The following PCDHGA12 variants were observed in gnomAD, a reference collection of about 807,000 sequenced individuals.
PCDHGA12 encodes protocadherin gamma subfamily A, 12.
Under a neutral mutation model 61.1 loss-of-function variants are expected in PCDHGA12, and 43 were observed. That is an observed-to-expected ratio of 0.70 (90% CI 0.55 to 0.91). The LOEUF (loss-of-function observed/expected upper bound fraction) is 0.91, where lower values mean the gene tolerates loss of function less well. Among genes scored for constraint, PCDHGA12 ranks in the 40% least tolerant of loss-of-function variants. The pLI is 0.00. For synonymous variants in PCDHGA12, 520 were observed against 542.9 expected (o/e 0.96, Z 0.59); for missense variants, 1,236 against 1,227.7 (o/e 1.01, Z -0.10).
At chr5:141,497,827 C>T (rs1390986916) in intron 2 of PCDHGA12, among the ~76,000 whole-genome samples, 3 of 152,188 alleles carry the variant, frequency 2.0e-5, no homozygotes, top group East Asian at 3.9e-4. Flanking sequence ...GGTGTGATCG[C>T]CCCCGGCCAC....
chr5:141,484,988 G>A (rs1187402042), intron 1 of PCDHGA12: 2 of 604,830 alleles, frequency 3.3e-6, no homozygotes, highest in Admixed American at 3.0e-5. Context: ...CAATCGGGTG[G>A]TGAAAGGCAG....
intron 1 of PCDHGA12, among the ~76,000 whole-genome samples, chr5:141,460,724 A>G (rs1294708205): frequency 6.6e-6 from 1 of 152,114 alleles, no homozygotes; most frequent in Non-Finnish European, 1.5e-5. Flanking sequence ...TGTTATAAGC[A>G]TATATACACA....
At chr5:141,472,620 A>G (rs2099290656) in intron 1 of PCDHGA12, among the ~76,000 whole-genome samples, 1 of 152,136 alleles carries the variant, frequency 6.6e-6, no homozygotes, top group Admixed American at 6.5e-5. Context: ...AGAAGAAAAA[A>G]GATAAAGACT....
At chr5:141,437,983 A>C (rs544812394) in intron 1 of PCDHGA12, among the ~76,000 whole-genome samples, 1 of 152,056 alleles carries the variant, frequency 6.6e-6, no homozygotes, top group Admixed American at 6.5e-5. Context: ...GGATGCACCC[A>C]CCCCACCTCA....
At chr5:141,449,369 G>A (rs561017816) in intron 1 of PCDHGA12, among the ~76,000 whole-genome samples, 4 of 152,068 alleles carry the variant, frequency 2.6e-5, no homozygotes, top group South Asian at 4.2e-4. Flanking sequence ...CACTTTGGGA[G>A]GCTGAGGCAG....
intron 1 of PCDHGA12, 97 bp from the exon 2 acceptor site, chr5:141,494,710 C>G: frequency 6.2e-7 from 1 of 1,600,966 alleles, no homozygotes; most frequent in Admixed American, 1.7e-5. Context: ...TCTCTGTGCC[C>G]ACTCCCCTCC....
chr5:141,491,938 C>A lies in PCDHGA12; in HGVS notation c.2425-2869C>A, dbSNP rs1207647899. Reference sequence around the variant, plus strand: ...TGTGGGCGAGGGGAGGTGGGACCGACCCCCACCCCTACACTCAAAAAAGGC... The same window carrying A: ...TGTGGGCGAGGGGAGGTGGGACCGAACCCCACCCCTACACTCAAAAAAGGC... On this transcript the variant is annotated intron_variant, in intron 1 of 3. Transcript: ENST00000252085. This position sits in a 1 kb window ranked among gnomAD's most constrained non-coding sequence, Gnocchi z 6.9. 1.7e-6 allele frequency: 2 copies of A among 1,199,072 alleles called. No homozygotes were observed. The highest frequency in any genetic ancestry group is 3.1e-5 in the Admixed American group (1 of 32,246). The allele number at this position is 1,199,072 out of a possible 1,614,324, so 74.3% of individuals were successfully genotyped here. A position where few individuals can be genotyped will look rare whatever the true frequency, so the allele number is the denominator to read the frequency against.
At chr5:141,475,840 A>G (rs1039073157) in intron 1 of PCDHGA12, 2 of 434,770 alleles carry the variant, frequency 4.6e-6, no homozygotes, top group Non-Finnish European at 8.2e-6. Context: ...TGTCCTGCTC[A>G]GAGAGCCCGG....
chr5:141,487,404 C>A lies in PCDHGA12; in HGVS notation c.2425-7403C>A, dbSNP rs771371344. 1.2e-6 allele frequency: 2 copies of A among 1,614,178 alleles called. No homozygotes were observed. Among genetic ancestry groups the A allele is most frequent in the Non-Finnish European group, 1.7e-6 (2 of 1,180,032 alleles). ...AGATCTCGAAGGAGGGAGGGGCTTC[C>A]CCCTTCCAATGGGATCCTCCGAATC... is the stretch of plus-strand genomic sequence containing the variant. On this transcript the variant is annotated intron_variant, in intron 1 of 3. Coordinates refer to ENST00000252085, the MANE Select transcript of PCDHGA12 (RefSeq NM_003735.3). The surrounding 1 kb of genome is among the most constrained non-coding windows in gnomAD (Gnocchi z 5.0).
At chr5:141,463,261 T>G (rs552225283) in intron 1 of PCDHGA12, among the ~76,000 whole-genome samples, 29 of 152,134 alleles carry the variant, frequency 1.9e-4, no homozygotes, top group African/African-American at 6.3e-4. Context: ...TAGTACTCTA[T>G]CCCATAAATT....
At chr5:141,495,544 T>C (rs971374249) in intron 2 of PCDHGA12, among the ~76,000 whole-genome samples, 5 of 152,220 alleles carry the variant, frequency 3.3e-5, no homozygotes, top group African/African-American at 7.2e-5. Context: ...CCTCAGTCTC[T>C]ATCTCGCTTT....
intron 1 of PCDHGA12, among the ~76,000 whole-genome samples, chr5:141,484,306 C>T (rs1009067603): frequency 6.6e-6 from 1 of 152,184 alleles, no homozygotes; most frequent in African/African-American, 2.4e-5. Context: ...GCTTCCTCCA[C>T]CCCGCTTCCA....
At chr5:141,444,002 C>T (rs2098413409) in intron 1 of PCDHGA12, among the ~76,000 whole-genome samples, 1 of 151,918 alleles carries the variant, frequency 6.6e-6, no homozygotes, top group African/African-American at 2.4e-5. Flanking sequence ...TAAATGCTAC[C>T]TGGGTATTGG....
chr5:141,434,747 C>T (rs2097714000), intron 1 of PCDHGA12, among the ~76,000 whole-genome samples: 1 of 151,606 alleles, frequency 6.6e-6, no homozygotes, highest in South Asian at 2.1e-4. Flanking sequence ...GCTATGAGAC[C>T]CCTGATTCCC....
At chr5:141,467,748 G>A (rs186276272) in intron 1 of PCDHGA12, among the ~76,000 whole-genome samples, 22 of 151,912 alleles carry the variant, frequency 1.4e-4, no homozygotes, top group South Asian at 2.1e-4. Context: ...TGCAACCTCC[G>A]CCTCACATGC....
At position 141,490,753 on chromosome 5, in the gene PCDHGA12, T is replaced by C; in HGVS notation, c.2425-4054T>C. ...TCAGGTTCAGGGAGCCCCAGCCTCC[T>C]CCTTTGTGTATGTCAACCCAGAGGA... On this transcript the variant is annotated intron_variant, in intron 1 of 3. Transcript: ENST00000252085. This position sits in a 1 kb window ranked among gnomAD's most constrained non-coding sequence, Gnocchi z 5.4. 1 of 1,614,184 alleles carries C rather than the reference T, an allele frequency of 6.2e-7. No individual in the cohort carries two copies. The highest frequency in any genetic ancestry group is 8.5e-7 in the Non-Finnish European group (1 of 1,180,024).
At chr5:141,457,933 TATTGGC>T (rs2098933012) in intron 1 of PCDHGA12, among the ~76,000 whole-genome samples, 2 of 152,206 alleles carry the variant, frequency 1.3e-5, no homozygotes, top group Non-Finnish European at 2.9e-5. Context: ...AAGGGGCTTT[TATTGGC>T]TCTGCATGTC....
chr5:141,500,184 T>TTTTTTTTATTTA (rs1554186429), intron 2 of PCDHGA12, among the ~76,000 whole-genome samples: 16 of 135,886 alleles, frequency 1.2e-4, no homozygotes, highest in African/African-American at 4.3e-4. Context: ...TCATTTTTAT[T>TTTTTTTTATTTA]TTTATTTATT....
chr5:141,496,478 G>A lies in PCDHGA12; in HGVS notation c.2483+1613G>A, dbSNP rs150992994. 7.2e-3 allele frequency among the ~76,000 whole-genome samples: 1,093 copies of A among 152,228 alleles called. 19 individuals are homozygous for A. The highest frequency in any genetic ancestry group is 0.025 in the African/African-American group (1,039 of 41,518). ...CCAAGAGTTATCTTTCCCCCATCCT[G>A]CAACCAACCAAACCCTTGTTGCCAC... is the stretch of plus-strand genomic sequence containing the variant. On this transcript the variant is annotated intron_variant, in intron 2 of 3. Transcript: ENST00000252085.
Sources: allele counts gnomAD v4.1 joint callset (sites outside exome capture counted in the v4.1 genomes callset), GRCh38; gene constraint gnomAD v4.1.1; non-coding constraint Gnocchi (gnomAD v3.1); transcripts MANE v1.5; gene names NCBI Gene and HGNC (gene_info 2026-07-23, HGNC 2026-07-21).